The following NPAS3 variants were observed in gnomAD, a reference collection of about 807,000 sequenced individuals.
NPAS3 encodes neuronal PAS domain protein 3, also known as neuronal PAS domain-containing protein 3.
Under a neutral mutation model 73.1 loss-of-function variants are expected in NPAS3, and 14 were observed. The observed-to-expected ratio is 0.19, with a 90% CI of 0.13 to 0.30. The LOEUF (loss-of-function observed/expected upper bound fraction) is 0.30, where lower values mean the gene tolerates loss of function less well. Among genes scored for constraint, NPAS3 ranks in the 10% least tolerant of loss-of-function variants. NPAS3 has a pLI of 1.00. For missense variants in NPAS3, 1,096 were observed against 1,250.0 expected, an observed-to-expected ratio of 0.88 and a Z score of 1.86; for synonymous variants, 620 against 541.5, an observed-to-expected ratio of 1.14 and a Z score of -2.01.
chr14:33,093,208 G>T (rs879439632), intron 2 of NPAS3, among the ~76,000 whole-genome samples: 1 of 152,158 alleles, frequency 6.6e-6, no homozygotes, highest in Non-Finnish European at 1.5e-5. Flanking sequence ...GAAAATTTTT[G>T]CAATCTACTC....
chr14:33,801,081 C>T, exon 12 of NPAS3: 1 of 1,591,606 alleles, frequency 6.3e-7, no homozygotes, highest in East Asian at 2.3e-5. Context: ...ATCCACGCGG[C>T]ACAGACTCTG....
chr14:33,076,642 A>G (rs1424829173), intron 2 of NPAS3, among the ~76,000 whole-genome samples: 1 of 152,166 alleles, frequency 6.6e-6, no homozygotes, highest in Non-Finnish European at 1.5e-5. Flanking sequence ...AGTGTAGCTG[A>G]TATGACATGA....
At chr14:32,963,949 G>A (rs917498173) in intron 1 of NPAS3, among the ~76,000 whole-genome samples, 1 of 151,920 alleles carries the variant, frequency 6.6e-6, no homozygotes, top group African/African-American at 2.4e-5. Context: ...ATTAATGGAA[G>A]ATTCAGTTTT....
chr14:33,548,636 C>T (rs1379464734), intron 4 of NPAS3, among the ~76,000 whole-genome samples: 5 of 152,236 alleles, frequency 3.3e-5, no homozygotes, highest in Non-Finnish European at 4.4e-5. Context: ...CCAGCGATTA[C>T]TCAGGTGTGT....
intron 3 of NPAS3, among the ~76,000 whole-genome samples, chr14:33,262,434 T>G (rs530275374): frequency 6.6e-6 from 1 of 152,332 alleles, no homozygotes; most frequent in African/African-American, 2.4e-5. Context: ...TGAGCAGCAT[T>G]CCAGGACCTG....
chr14:33,167,243 C>T (rs746853098), intron 2 of NPAS3, among the ~76,000 whole-genome samples: 6 of 152,162 alleles, frequency 3.9e-5, no homozygotes, highest in Non-Finnish European at 8.8e-5. Flanking sequence ...GGGCCGTGAT[C>T]AGCTTCAGGA....
intron 3 of NPAS3, among the ~76,000 whole-genome samples, chr14:33,318,093 G>A (rs7146702): frequency 0.54 from 82,079 of 151,746 alleles, 23,237 homozygotes; most frequent in African/African-American, 0.72. Context: ...CAACAACCCA[G>A]ATATTCATTG....
At chr14:33,376,836 A>G (rs889003841) in intron 4 of NPAS3, among the ~76,000 whole-genome samples, 1 of 152,180 alleles carries the variant, frequency 6.6e-6, no homozygotes, top group African/African-American at 2.4e-5. Context: ...CCTGGCTGGC[A>G]GATTGTGAGG....
chr14:33,055,794 CAAA>C, intron 1 of NPAS3, 108 bp from the exon 2 acceptor site: 4 of 654,198 alleles, frequency 6.1e-6, no homozygotes, highest in Admixed American at 2.3e-5. Flanking sequence ...GTGTAGAGCT[CAAA>C]AGCGTAAAAA....
At chr14:33,189,492 G>C (rs765725660) in intron 2 of NPAS3, among the ~76,000 whole-genome samples, 1 of 152,176 alleles carries the variant, frequency 6.6e-6, no homozygotes, top group Admixed American at 6.5e-5. Context: ...CCACGAGGGA[G>C]CACTAAGTGG....
Position 33,165,968 on chromosome 14 carries a change from T to C in NPAS3, c.141-49214T>C, listed in dbSNP as rs575083719. On this transcript the variant is annotated intron_variant, in intron 2 of 11. Transcript: ENST00000356141. ...CCTTATGTTAATAGAAGAATTGTCC[T>C]GCCTTCTTTAGCCACGCTCACATAT... Among the ~76,000 whole-genome samples, 291 of 152,334 alleles carry C rather than the reference T, an allele frequency of 1.9e-3. 1 individual carries two copies. Among genetic ancestry groups the C allele is most frequent in the Middle Eastern group, 6.8e-3 (2 of 294 alleles).
chr14:33,431,020 A>C (rs900104137), intron 4 of NPAS3, among the ~76,000 whole-genome samples: 13 of 152,216 alleles, frequency 8.5e-5, no homozygotes, highest in Non-Finnish European at 1.5e-4. Context: ...TACAAATACA[A>C]AGGAAAGATC....
intron 3 of NPAS3, among the ~76,000 whole-genome samples, chr14:33,271,343 GA>G (rs1410253976): frequency 6.6e-6 from 1 of 152,138 alleles, no homozygotes; most frequent in African/African-American, 2.4e-5. Flanking sequence ...AAGGCAAAGG[GA>G]AAGAGAGTAG....
intron 5 of NPAS3, among the ~76,000 whole-genome samples, chr14:33,599,920 G>C (rs985543685): frequency 2.6e-5 from 4 of 152,192 alleles, no homozygotes; most frequent in African/African-American, 9.6e-5. Context: ...AGGAGTCCAT[G>C]AGAAATGTGT....
chr14:32,977,871 A>G (rs1355714091), intron 1 of NPAS3, among the ~76,000 whole-genome samples: 3 of 152,200 alleles, frequency 2.0e-5, no homozygotes, highest in Non-Finnish European at 4.4e-5. Flanking sequence ...TCATCTTTTA[A>G]TGCTATTTAT....
intron 8 of NPAS3, among the ~76,000 whole-genome samples, chr14:33,776,066 C>T (rs572476799): frequency 1.3e-5 from 2 of 152,284 alleles, no homozygotes; most frequent in Non-Finnish European, 2.9e-5. Context: ...CTCCTGGAGT[C>T]TCTTCTTTTT....
intron 2 of NPAS3, among the ~76,000 whole-genome samples, chr14:33,125,276 G>T (rs536928624): frequency 6.6e-6 from 1 of 152,148 alleles, no homozygotes; most frequent in Admixed American, 6.6e-5. Context: ...TCATATATGA[G>T]ATATGATTTA....
intron 2 of NPAS3, among the ~76,000 whole-genome samples, chr14:33,204,069 C>T (rs1347479740): frequency 5.3e-5 from 8 of 152,082 alleles, no homozygotes; most frequent in Non-Finnish European, 1.5e-5. Flanking sequence ...CTCTGATGGC[C>T]GGTGATGATG....
chr14:33,547,865 T>C (rs1183668151), intron 4 of NPAS3, among the ~76,000 whole-genome samples: 1 of 152,188 alleles, frequency 6.6e-6, no homozygotes, highest in Non-Finnish European at 1.5e-5. Flanking sequence ...GATTCATTCT[T>C]CTTAAATTAT....
Sources: gnomAD v4.1 joint callset for allele counts (sites outside exome capture counted in the v4.1 genomes callset) on GRCh38, gnomAD v4.1.1 for gene constraint, MANE v1.5 for transcripts, NCBI Gene and HGNC (gene_info 2026-07-23, HGNC 2026-07-21) for gene names.